Variants in GLIS3 observed in about 807,000 individuals in gnomAD.
The protein encoded by GLIS3 is GLIS family zinc finger 3.
Under a neutral mutation model 78.6 loss-of-function variants are expected in GLIS3, and 53 were observed. That is an observed-to-expected ratio of 0.67 (90% confidence interval 0.54 to 0.85). The LOEUF (loss-of-function observed/expected upper bound fraction) is 0.85. GLIS3 is among the 40% of genes least tolerant of loss of function. GLIS3 has a pLI of 0.00. For synonymous variants in GLIS3, 684 were observed against 509.9 expected, an observed-to-expected ratio of 1.34 and a Z score of -4.60; for missense variants, 1,703 against 1,231.1, an observed-to-expected ratio of 1.38 and a Z score of -5.74.
chr9:3,932,930 A>C (rs1362358258), intron 5 of GLIS3: 2 of 304,616 alleles, frequency 6.6e-6, no homozygotes, highest in Non-Finnish European at 1.3e-5. Context: ...TGATTCAGAA[A>C]GAGAAAGGGA....
chr9:4,456,701 G>A, the GLIS3 span, among the ~76,000 whole-genome samples: 1 of 152,164 alleles, frequency 6.6e-6, no homozygotes, highest in Non-Finnish European at 1.5e-5. Context: ...TGAATACTTA[G>A]AGGCCATTGT....
intron 4 of GLIS3, among the ~76,000 whole-genome samples, chr9:4,025,465 G>A (rs1023460525): frequency 2.0e-5 from 3 of 152,050 alleles, no homozygotes; most frequent in Admixed American, 6.6e-5. Flanking sequence ...TTGGCTCACC[G>A]CAACCTCCGA....
At chr9:4,372,800 G>T in the GLIS3 span, among the ~76,000 whole-genome samples, 3 of 152,104 alleles carry the variant, frequency 2.0e-5, no homozygotes, top group Non-Finnish European at 4.4e-5. Flanking sequence ...AAGGAATCTT[G>T]TGCTATTATC....
chr9:4,012,468 T>G (rs1822097273), intron 4 of GLIS3, among the ~76,000 whole-genome samples: 1 of 152,184 alleles, frequency 6.6e-6, no homozygotes, highest in African/African-American at 2.4e-5. Flanking sequence ...AAACAGTCAA[T>G]GATCATTTCT....
intron 4 of GLIS3, among the ~76,000 whole-genome samples, chr9:3,998,187 T>C (rs1293248530): frequency 6.6e-6 from 1 of 152,162 alleles, no homozygotes; most frequent in Admixed American, 6.6e-5. Flanking sequence ...ATCTTAGTCT[T>C]TCCCTAATCC....
the GLIS3 span, among the ~76,000 whole-genome samples, chr9:4,404,206 C>G: frequency 6.6e-6 from 1 of 152,124 alleles, no homozygotes; most frequent in Non-Finnish European, 1.5e-5. Context: ...AACGCTGGAG[C>G]AACCCGATAT....
intron 4 of GLIS3, among the ~76,000 whole-genome samples, chr9:4,088,862 C>G (rs1175883977): frequency 1.3e-5 from 2 of 152,352 alleles, no homozygotes; most frequent in East Asian, 3.9e-4. Context: ...TACTTCACAG[C>G]CAAAATCCTA....
chr9:4,268,453 C>G (rs2130119925), intron 2 of GLIS3, among the ~76,000 whole-genome samples: 1 of 152,244 alleles, frequency 6.6e-6, no homozygotes, highest in East Asian at 1.9e-4. Context: ...CATTATTACT[C>G]TGGGAATGTT....
At chr9:4,300,177 A>C (rs2130481302), upstream of GLIS3, among the ~76,000 whole-genome samples, 1 of 150,256 alleles carries the variant, frequency 6.7e-6, no homozygotes, top group South Asian at 2.1e-4. Context: ...GCCAATTCGA[A>C]GGCCGAGCTT....
At chr9:4,229,146 A>G (rs1269495074) in intron 2 of GLIS3, among the ~76,000 whole-genome samples, 1 of 152,216 alleles carries the variant, frequency 6.6e-6, no homozygotes, top group Admixed American at 6.5e-5. Context: ...CCATGTATAA[A>G]AGATGTGAGG....
intron 2 of GLIS3, among the ~76,000 whole-genome samples, chr9:4,174,640 G>T (rs1816663166): frequency 6.6e-6 from 1 of 152,156 alleles, no homozygotes; most frequent in African/African-American, 2.4e-5. Context: ...ACAAGCAGAT[G>T]CTAAGTCTGT....
the GLIS3 span, among the ~76,000 whole-genome samples, chr9:4,418,855 G>A: frequency 2.6e-5 from 4 of 152,162 alleles, no homozygotes; most frequent in Admixed American, 1.3e-4. Flanking sequence ...TTGTATGTAG[G>A]AGGAGCAATG....
At chr9:4,397,798 G>A in the GLIS3 span, among the ~76,000 whole-genome samples, 1 of 151,512 alleles carries the variant, frequency 6.6e-6, no homozygotes, top group Non-Finnish European at 1.5e-5. Context: ...GGGGAGAGGA[G>A]GAAGGAAAAT....
chr9:4,396,887 TGA>T, the GLIS3 span, among the ~76,000 whole-genome samples: 1 of 152,128 alleles, frequency 6.6e-6, no homozygotes, highest in African/African-American at 2.4e-5. Context: ...TCTGATTTCA[TGA>T]GAGTTTTGCT....
chr9:4,286,976 T>C (rs574052720), intron 1 of GLIS3, among the ~76,000 whole-genome samples: 46 of 152,210 alleles, frequency 3.0e-4, no homozygotes, highest in Non-Finnish European at 2.9e-4. Flanking sequence ...AATGAGACTA[T>C]GGGGACACTA....
chr9:4,349,543 T>C (rs1208779557), upstream of GLIS3, among the ~76,000 whole-genome samples: 1 of 152,100 alleles, frequency 6.6e-6, no homozygotes, highest in African/African-American at 2.4e-5. Context: ...GTATGCTAGA[T>C]GACCAAAAAG....
upstream of GLIS3, among the ~76,000 whole-genome samples, chr9:4,301,083 T>C (rs1817050804): frequency 6.6e-6 from 1 of 152,134 alleles, no homozygotes; most frequent in African/African-American, 2.4e-5. Context: ...ACTAAAAGAC[T>C]ATTGGCAGTT....
intron 4 of GLIS3, among the ~76,000 whole-genome samples, chr9:3,947,623 G>A (rs1020107190): frequency 2.0e-5 from 3 of 152,184 alleles, no homozygotes; most frequent in Non-Finnish European, 1.5e-5. Flanking sequence ...ATTCACACAC[G>A]AAGAGAATAA....
chr9:3,838,138 T>C (rs1431553601), intron 9 of GLIS3, among the ~76,000 whole-genome samples: 4 of 152,158 alleles, frequency 2.6e-5, no homozygotes, highest in African/African-American at 9.7e-5. Context: ...AAATATGTAT[T>C]CCATGAAGGC....
Sources: gnomAD v4.1 joint callset for allele counts (sites outside exome capture counted in the v4.1 genomes callset) on GRCh38, gnomAD v4.1.1 for gene constraint, MANE v1.5 for transcripts, NCBI Gene and HGNC (gene_info 2026-07-23, HGNC 2026-07-21) for gene names.